JAK2: variants seen among roughly 807,000 people sequenced by gnomAD.
JAK2 encodes tyrosine-protein kinase JAK2.
A neutral mutation model predicts 139.3 loss-of-function variants in JAK2; 86 were observed. That is an observed-to-expected ratio of 0.62 (90% CI 0.52 to 0.74). The LOEUF (loss-of-function observed/expected upper bound fraction) is 0.74. JAK2 is among the 30% of genes least tolerant of loss of function. The probability of loss-of-function intolerance (pLI) is 0.00; values close to 1 mark genes in which losing one functional copy is unlikely to be tolerated. For synonymous variants in JAK2, 490 were observed against 437.7 expected, an observed-to-expected ratio of 1.12 and a Z score of -1.49; for missense variants, 1,421 against 1,360.3, an observed-to-expected ratio of 1.04 and a Z score of -0.70.
At chr9:5,106,858 T>C (rs185772559) in intron 22 of JAK2, among the ~76,000 whole-genome samples, 3 of 152,152 alleles carry the variant, frequency 2.0e-5, no homozygotes, top group East Asian at 1.9e-4. Flanking sequence ...ATGAGAACAC[T>C]TGGACACATG....
chr9:5,066,624 C>T (rs1818590768), intron 9 of JAK2, 54 bp from the exon 10 acceptor site: 1 of 958,756 alleles, frequency 1.0e-6, no homozygotes, highest in Non-Finnish European at 1.7e-6. Context: ...GACACTTGGT[C>T]ATAATATTAT....
intron 4 of JAK2, among the ~76,000 whole-genome samples, 155 bp from the exon 5 acceptor site, chr9:5,044,248 A>G (rs1466483757): frequency 6.6e-6 from 1 of 152,230 alleles, no homozygotes; most frequent in Non-Finnish European, 1.5e-5. Context: ...TGTTATCCAC[A>G]TATCCTTTTG....
chr9:5,081,814 A>G lies in JAK2; in HGVS notation c.2524A>G (p.Thr842Ala), dbSNP rs1819720705. The G allele has an allele frequency of 6.2e-7, 1 of 1,613,488 alleles. No homozygotes were observed. The highest frequency in any genetic ancestry group is 1.7e-5 in the Admixed American group (1 of 60,004). The change falls in exon 19 of 25, where the codon ACA (threonine) becomes GCA (alanine). Residue 842 changes from threonine (T) to alanine (A), a missense_variant. Physicochemically the swap from Thr to Ala is moderately conservative, Grantham distance 58. Coordinates refer to ENST00000381652, the MANE Select transcript of JAK2 (RefSeq NM_004972.4). ...TGGTGCCTTTGAAGACCGGGATCCT[A>G]CACAGTTTGAAGAGAGACATTTGAA... is the stretch of plus-strand genomic sequence containing the variant. The part of the protein sequence containing the change: ...FSGAFEDRDP[T>A]QFEERHLKFL...
chr9:5,118,124 G>A (rs942680512), intron 22 of JAK2, among the ~76,000 whole-genome samples: 2 of 152,184 alleles, frequency 1.3e-5, no homozygotes, highest in Non-Finnish European at 1.5e-5. Flanking sequence ...CCTCGCCACT[G>A]CACTCCAGCC....
intron 3 of JAK2, among the ~76,000 whole-genome samples, chr9:5,023,867 G>A (rs1460777509): frequency 6.7e-6 from 1 of 150,006 alleles, no homozygotes; most frequent in Non-Finnish European, 1.5e-5. Context: ...TGATCCTTTA[G>A]CTTATAGTAA....
At chr9:5,089,457 G>C (rs1287211718) in intron 19 of JAK2, among the ~76,000 whole-genome samples, 1 of 144,646 alleles carries the variant, frequency 6.9e-6, no homozygotes, top group Non-Finnish European at 1.5e-5. Context: ...AGAATGGTGT[G>C]AACCCAGGGG....
At chr9:5,094,478 C>T (rs1269209335) in intron 22 of JAK2, 1 of 152,140 alleles carries the variant, frequency 6.6e-6, no homozygotes, top group Non-Finnish European at 1.5e-5. Flanking sequence ...ACACTACGAG[C>T]TGTGGCCCAG....
intron 22 of JAK2, among the ~76,000 whole-genome samples, chr9:5,122,558 ATCTT>A (rs1254259601): frequency 6.6e-6 from 1 of 152,210 alleles, no homozygotes; most frequent in South Asian, 2.1e-4. Flanking sequence ...GATTTTAGTT[ATCTT>A]TCTATGTCAG....
chr9:5,113,511 C>A (rs190348376), intron 22 of JAK2: 5 of 153,444 alleles, frequency 3.3e-5, no homozygotes, highest in African/African-American at 1.2e-4. Flanking sequence ...GAGGGTGACT[C>A]CCCTGGTGGG....
chr9:4,992,873 G>C (rs78326601), intron 2 of JAK2, among the ~76,000 whole-genome samples: 418 of 152,264 alleles, frequency 2.7e-3, no homozygotes, highest in African/African-American at 9.7e-3. Flanking sequence ...CCTTGATTAG[G>C]TCTCAGTCCT....
intron 22 of JAK2, among the ~76,000 whole-genome samples, chr9:5,093,643 C>G (rs1445924165): frequency 1.3e-5 from 2 of 152,106 alleles, no homozygotes; most frequent in African/African-American, 2.4e-5. Flanking sequence ...CATATTCAAC[C>G]TCCGAACAAC....
chr9:5,034,502 A>C (rs1296664083), intron 4 of JAK2, among the ~76,000 whole-genome samples: 2 of 152,040 alleles, frequency 1.3e-5, no homozygotes, highest in African/African-American at 4.8e-5. Flanking sequence ...AGCACTCCTC[A>C]GCAAGTGTAA....
intron 22 of JAK2, among the ~76,000 whole-genome samples, chr9:5,107,526 C>T (rs1209253333): frequency 2.6e-5 from 4 of 152,012 alleles, no homozygotes; most frequent in Non-Finnish European, 5.9e-5. Flanking sequence ...TAATCCTAGG[C>T]TTAATTTACA....
chr9:5,041,581 G>A (rs1816519624), intron 4 of JAK2: 1 of 505,266 alleles, frequency 2.0e-6, no homozygotes, highest in Admixed American at 2.4e-5. Flanking sequence ...CACTACGTGC[G>A]GCGCCTGGAC....
chr9:5,086,833 C>T (rs1292225276), intron 19 of JAK2, among the ~76,000 whole-genome samples: 2 of 152,120 alleles, frequency 1.3e-5, no homozygotes, highest in Non-Finnish European at 2.9e-5. Context: ...ATTGGTGACC[C>T]TTTCTAGAGA....
At chr9:5,111,280 G>C (rs1273083737) in intron 22 of JAK2, 3 of 481,778 alleles carry the variant, frequency 6.2e-6, no homozygotes, top group African/African-American at 2.0e-5. Flanking sequence ...ACTCAGGCTG[G>C]CTTCCTGCCG....
intron 2 of JAK2, among the ~76,000 whole-genome samples, chr9:4,989,690 CTTGAG>C (rs921675078): frequency 1.1e-4 from 17 of 152,138 alleles, no homozygotes; most frequent in African/African-American, 2.7e-4. Context: ...TTTAAGACCA[CTTGAG>C]TTGAGCAGAG....
chr9:5,052,752 CA>C (rs762869983), intron 6 of JAK2, among the ~76,000 whole-genome samples: 3 of 152,014 alleles, frequency 2.0e-5, no homozygotes, highest in African/African-American at 4.8e-5. Context: ...TGTGGTGTGG[CA>C]TTTTTTTTGT....
At chr9:5,090,401 A>G in intron 20 of JAK2, 45 bp from the exon 21 acceptor site, 6 of 1,406,612 alleles carry the variant, frequency 4.3e-6, no homozygotes, top group Non-Finnish European at 5.7e-6. Context: ...TTTAATCAGT[A>G]TAATATGGCA....
Sources: gnomAD v4.1 joint callset for allele counts (sites outside exome capture counted in the v4.1 genomes callset) on GRCh38, gnomAD v4.1.1 for gene constraint, MANE v1.5 for transcripts, NCBI Gene and HGNC (gene_info 2026-07-23, HGNC 2026-07-21) for gene names.